Variants in TMPRSS15 observed in about 807,000 individuals in gnomAD.
The protein encoded by TMPRSS15 is transmembrane serine protease 15.
TMPRSS15 carries 128 observed loss-of-function variants against 125.3 expected under a neutral mutation model. That is an observed-to-expected ratio of 1.02 (90% confidence interval 0.89 to 1.18). TMPRSS15 has a LOEUF of 1.18. Ranked by LOEUF, TMPRSS15 falls within the 50% of genes most tolerant of loss-of-function variation. The pLI, the probability that TMPRSS15 is intolerant of heterozygous loss-of-function variation, is 0.00. For synonymous variants in TMPRSS15, 446 were observed against 423.2 expected, an observed-to-expected ratio of 1.05 and a Z score of -0.66; for missense variants, 1,283 against 1,212.7, an observed-to-expected ratio of 1.06 and a Z score of -0.86.
At chr21:18,340,075 T>C (rs1036600711) in intron 13 of TMPRSS15, among the ~76,000 whole-genome samples, 1 of 152,118 alleles carries the variant, frequency 6.6e-6, no homozygotes, top group Non-Finnish European at 1.5e-5. Flanking sequence ...GCCAGCTTGA[T>C]TGGATTGAAG....
At chr21:18,275,144 C>A in intron 24 of TMPRSS15, 53 bp downstream of exon 24, 2 of 1,594,432 alleles carry the variant, frequency 1.3e-6, no homozygotes, top group Non-Finnish European at 8.6e-7. Flanking sequence ...AATGAAATAA[C>A]TATAACACCA....
In TMPRSS15 at chr21:18,334,778, T is replaced by C. The variant is rs568605602; in HGVS notation, c.1565-2605A>G. Among the ~76,000 whole-genome samples, 13 of 152,302 alleles carry C rather than the reference T, an allele frequency of 8.5e-5. No homozygotes were observed. In the South Asian group the frequency reaches 1.7e-3, roughly 19 times the overall value. Reference sequence around the variant, plus strand: ...TCCCACAGTAATTTACTGTCTCCTATTGGGTTGATTAAACTTTGGATAATT... The same window carrying C: ...TCCCACAGTAATTTACTGTCTCCTACTGGGTTGATTAAACTTTGGATAATT... On this transcript the variant is annotated intron_variant, in intron 13 of 24. Coordinates refer to ENST00000284885, the MANE Select transcript of TMPRSS15 (RefSeq NM_002772.3).
rs1186571772 is a variant in TMPRSS15, at chr21:18,327,515, T to A, written c.1781-943A>T. Among the ~76,000 whole-genome samples, 3 of 152,128 alleles carry A rather than the reference T, an allele frequency of 2.0e-5. No homozygotes were observed. The East Asian group carries it at 5.8e-4, about 29-fold the overall frequency. ...CTCACACTCTAGAACTTTGTGAGAT[T>A]TTGCTGTAGAATTCTACATAAGGGT... is the stretch of plus-strand genomic sequence containing the variant. On this transcript the variant is annotated intron_variant, in intron 15 of 24. Coordinates refer to ENST00000284885, the MANE Select transcript of TMPRSS15 (RefSeq NM_002772.3).
chr21:18,445,441 A>C (rs764373814), intron 1 of TMPRSS15, among the ~76,000 whole-genome samples: 4 of 152,230 alleles, frequency 2.6e-5, no homozygotes, highest in Non-Finnish European at 5.9e-5. Context: ...TCGGCCTCCC[A>C]AAGTGCTCGA....
chr21:18,451,914 CATGCATAATTTTATGT>C (rs1216428579), intron 1 of TMPRSS15, among the ~76,000 whole-genome samples: 1 of 151,848 alleles, frequency 6.6e-6, no homozygotes, highest in Non-Finnish European at 1.5e-5. Context: ...TAATTTTATG[CATGCATAATTTTATGT>C]ATGCAAATGC....
intron 5 of TMPRSS15, 81 bp from the exon 6 acceptor site, chr21:18,372,405 G>T: frequency 1.5e-6 from 2 of 1,295,994 alleles, no homozygotes; most frequent in Non-Finnish European, 1.1e-6. Context: ...TTTTGCCACT[G>T]GGGTTCTTAC....
At chr21:18,321,804 T>A (rs1403605454) in intron 16 of TMPRSS15, among the ~76,000 whole-genome samples, 1 of 152,172 alleles carries the variant, frequency 6.6e-6, no homozygotes, top group East Asian at 1.9e-4. Flanking sequence ...AGTCTTTGGG[T>A]ATAAAAAATC....
chr21:18,307,365 G>A (rs951789471), intron 18 of TMPRSS15, among the ~76,000 whole-genome samples: 1 of 152,112 alleles, frequency 6.6e-6, no homozygotes, highest in East Asian at 1.9e-4. Context: ...GAAGGACTAC[G>A]ATTCGTGGGA....
intron 6 of TMPRSS15, among the ~76,000 whole-genome samples, chr21:18,370,587 CTTT>C (rs996712097): frequency 6.6e-6 from 1 of 152,106 alleles, no homozygotes; most frequent in Non-Finnish European, 1.5e-5. Context: ...CTTTCTTCTT[CTTT>C]GAGTAACTTA....
intron 1 of TMPRSS15, among the ~76,000 whole-genome samples, chr21:18,415,950 A>G (rs774537830): frequency 6.6e-6 from 1 of 152,088 alleles, no homozygotes; most frequent in Non-Finnish European, 1.5e-5. Flanking sequence ...AATTGAGTAA[A>G]TATGCAGGAT....
At chr21:18,330,342 C>T (rs1601343923) in intron 14 of TMPRSS15, among the ~76,000 whole-genome samples, 1 of 152,174 alleles carries the variant, frequency 6.6e-6, no homozygotes, top group East Asian at 1.9e-4. Context: ...AATGCAAGCT[C>T]GTTTTTATCG....
At chr21:18,436,872 TCAATATCGTGAAAATGGCCATACTGC>T (rs1488888735) in intron 1 of TMPRSS15, among the ~76,000 whole-genome samples, 236 of 5,396 alleles carry the variant, frequency 0.044, 13 homozygotes, top group African/African-American at 0.049. Flanking sequence ...TGCGGAAGAA[TCAATATCGTGAAAATGGCCATACTGC>T]CCAAGGTAAT....
chr21:18,309,379 A>G (rs2075070984), intron 18 of TMPRSS15, among the ~76,000 whole-genome samples: 1 of 152,218 alleles, frequency 6.6e-6, no homozygotes. Flanking sequence ...ACTAAAAGCA[A>G]TGGCAACAAA....
Position 18,275,292 on chromosome 21 carries a change from A to G in TMPRSS15, c.2809T>C (p.Ser937Pro). The G allele has an allele frequency of 6.2e-7, 1 of 1,614,052 alleles. No homozygotes were observed. Among genetic ancestry groups the G allele is most frequent in the Non-Finnish European group, 8.5e-7 (1 of 1,179,986 alleles). The change falls in exon 24 of 25, where the codon TCA becomes CCA. Residue 937 changes from serine to proline, a missense_variant. By Grantham distance (74) the Ser-to-Pro change is moderately conservative. Transcript: ENST00000284885. ...ATCTGCTGTTGGCATCTCTCATTTG[A>G]TAGAAGAGGAACATCAGCTTCTTGC... ...ILQEADVPLL[S>P]NERCQQQMPE...
intron 11 of TMPRSS15, 57 bp downstream of exon 11, chr21:18,343,898 G>T: frequency 6.7e-7 from 1 of 1,492,080 alleles, no homozygotes; most frequent in South Asian, 1.1e-5. Context: ...GGTGGCCTGA[G>T]CAAGGCAATG....
intron 15 of TMPRSS15, among the ~76,000 whole-genome samples, chr21:18,328,276 A>C (rs571507748): frequency 6.6e-6 from 1 of 152,296 alleles, no homozygotes; most frequent in South Asian, 2.1e-4. Flanking sequence ...AAGAAAAATA[A>C]ACTGGTCAAT....
Position 18,372,215 on chromosome 21 carries a change from A to T in TMPRSS15, c.642T>A (p.Ser214=). 1 of 1,611,656 alleles carries T rather than the reference A, an allele frequency of 6.2e-7. No individual in the cohort carries two copies. Among genetic ancestry groups the T allele is most frequent in the South Asian group, 1.1e-5 (1 of 91,026 alleles). ...CDGEVNCPDG[S]DEDNKMCATV... ...TACCACACATTTTATTGTCTTCGTC[A>T]GAACCATCTGGACAGTTTACTTCTC... Residue 214 remains serine, a synonymous_variant, in exon 6 of 25, where the codon TCT becomes TCA. Transcript: ENST00000284885.
intron 4 of TMPRSS15, chr21:18,380,654 C>T: frequency 1.1e-5 from 5 of 452,394 alleles, no homozygotes; most frequent in Non-Finnish European, 4.7e-6. Context: ...ATTGAGTACA[C>T]CTTGAATATT....
chr21:18,394,492 T>C (rs1464706655), intron 3 of TMPRSS15, among the ~76,000 whole-genome samples: 1 of 152,062 alleles, frequency 6.6e-6, no homozygotes, highest in Non-Finnish European at 1.5e-5. Flanking sequence ...ACCAAACAGA[T>C]GTTTAAATCT....
Sources: allele counts gnomAD v4.1 joint callset (sites outside exome capture counted in the v4.1 genomes callset), GRCh38; gene constraint gnomAD v4.1.1; transcripts MANE v1.5; gene names NCBI Gene and HGNC (gene_info 2026-07-23, HGNC 2026-07-21).